The following SH2D1A variants were observed in gnomAD, a reference collection of about 807,000 sequenced individuals.
The protein encoded by SH2D1A is SH2 domain containing 1A.
SH2D1A carries 6 observed loss-of-function variants against 10.1 expected under a neutral mutation model. The ratio of observed to expected loss-of-function variants is 0.60; its 90% CI spans 0.33 to 1.18. The LOEUF is 1.18. Among genes scored for constraint, SH2D1A ranks in the 50% most tolerant of loss-of-function variants. SH2D1A has a pLI of 0.04. For missense variants in SH2D1A, 51 were observed against 97.6 expected (o/e 0.52, Z 2.01); for synonymous variants, 42 against 36.9 (o/e 1.14, Z -0.51).
At chrX:124,351,753 A>G (rs1227258094) in intron 1 of SH2D1A, among the ~76,000 whole-genome samples, 3 of 110,140 alleles carry the variant, frequency 2.7e-5, no homozygotes. Flanking sequence ...TATTTTTCTC[A>G]TTTAACCAGT....
intron 1 of SH2D1A, among the ~76,000 whole-genome samples, chrX:124,356,024 T>TA (rs772343700): frequency 8.3e-4 from 91 of 109,024 alleles, no homozygotes; most frequent in African/African-American, 2.9e-3. Context: ...ACTCATCATT[T>TA]ACATTAGGTA....
At chrX:124,368,193 G>A (rs188271427) in intron 2 of SH2D1A, among the ~76,000 whole-genome samples, 120 of 111,331 alleles carry the variant, frequency 1.1e-3, no homozygotes, top group African/African-American at 3.8e-3. Context: ...TGTCGCTCAG[G>A]CTGGAGTGGT....
At chrX:124,361,317 C>T (rs185938699) in intron 1 of SH2D1A, among the ~76,000 whole-genome samples, 1 of 111,664 alleles carries the variant, frequency 9.0e-6, no homozygotes, top group Admixed American at 9.5e-5. Context: ...ATGAAACATA[C>T]CTTACCAGCA....
At chrX:124,366,099 T>TAGCA (rs1556620728) in intron 2 of SH2D1A, among the ~76,000 whole-genome samples, 5 of 109,017 alleles carry the variant, frequency 4.6e-5, no homozygotes, top group Non-Finnish European at 9.5e-5. Context: ...TGTGAAATCT[T>TAGCA]AGCATATCAA....
At chrX:124,369,747 T>A (rs1303539456) in intron 2 of SH2D1A, among the ~76,000 whole-genome samples, 2 of 111,837 alleles carry the variant, frequency 1.8e-5, no homozygotes, top group Non-Finnish European at 3.8e-5. Context: ...TTTCTTTTGT[T>A]GTTGTTCCTC....
At chrX:124,349,604 T>C (rs2060002616) in intron 1 of SH2D1A, among the ~76,000 whole-genome samples, 1 of 111,552 alleles carries the variant, frequency 9.0e-6, no homozygotes, top group African/African-American at 3.3e-5. Flanking sequence ...CTATAGTTTT[T>C]ATATTTTTAT....
intron 1 of SH2D1A, among the ~76,000 whole-genome samples, chrX:124,351,034 A>G (rs1179888810): frequency 1.1e-4 from 10 of 89,613 alleles, no homozygotes; most frequent in Non-Finnish European, 1.7e-4. Flanking sequence ...TTATAAATAT[A>G]TATATTTTAT....
chrX:124,352,590 C>G (rs1021077476), intron 1 of SH2D1A, among the ~76,000 whole-genome samples: 4 of 111,724 alleles, frequency 3.6e-5, no homozygotes, highest in Non-Finnish European at 7.5e-5. Context: ...ATTTACATTT[C>G]TGCAAATAAC....
At position 124,371,658 on chromosome X, in the gene SH2D1A, C is replaced by CTT. The variant is rs771739653; in HGVS notation, c.*269_*270dup. The CTT allele has an allele frequency of 4.5e-6, 1 of 223,359 alleles. No homozygotes were observed. The highest frequency in any genetic ancestry group is 6.4e-5 in the East Asian group (1 of 15,631). 18.4% of individuals were successfully genotyped at this position (223,359 alleles called of 1,213,427 possible). On this transcript the variant is annotated 3_prime_UTR_variant, in exon 4 of 4. Coordinates refer to ENST00000371139, the MANE Select transcript of SH2D1A (RefSeq NM_002351.5). ...ATGGGAAACAAAAGGATAATGAATACTTTATAAAGGATTAATGTCAATTCT... is the reference window on the plus strand; with the variant it reads ...ATGGGAAACAAAAGGATAATGAATACTTTTTATAAAGGATTAATGTCAATTCT...
At chrX:124,348,411 A>G (rs1040323523) in intron 1 of SH2D1A, among the ~76,000 whole-genome samples, 1 of 111,513 alleles carries the variant, frequency 9.0e-6, no homozygotes. Context: ...ACAACAGGGT[A>G]TAGTGAGAGG....
At chrX:124,351,381 A>G (rs891998058) in intron 1 of SH2D1A, among the ~76,000 whole-genome samples, 3 of 109,856 alleles carry the variant, frequency 2.7e-5, no homozygotes, top group Non-Finnish European at 3.8e-5. Context: ...TCAGTACATT[A>G]AAGTTTCCTT....
At chrX:124,357,894 G>A (rs1053411251) in intron 1 of SH2D1A, among the ~76,000 whole-genome samples, 5 of 109,177 alleles carry the variant, frequency 4.6e-5, no homozygotes, top group African/African-American at 6.7e-5. Context: ...ATCTTGGCTC[G>A]CTGCAAACTC....
intron 2 of SH2D1A, 87 bp downstream of exon 2, chrX:124,365,911 T>C: frequency 1.7e-6 from 1 of 587,149 alleles, no homozygotes; most frequent in East Asian, 3.3e-5. Context: ...AATTATACAT[T>C]ATTAAGTATT....
At chrX:124,358,488 A>G (rs1279763824) in intron 1 of SH2D1A, among the ~76,000 whole-genome samples, 1 of 112,552 alleles carries the variant, frequency 8.9e-6, no homozygotes, top group Non-Finnish European at 1.9e-5. Flanking sequence ...TTATGTTACA[A>G]AATTACTGGT....
intron 1 of SH2D1A, among the ~76,000 whole-genome samples, chrX:124,359,473 AC>A (rs2060034532): frequency 9.0e-6 from 1 of 111,659 alleles, no homozygotes; most frequent in South Asian, 3.8e-4. Context: ...GGAAAATGGA[AC>A]TAAGAACCTA....
At chrX:124,356,048 T>C (rs1349118199) in intron 1 of SH2D1A, among the ~76,000 whole-genome samples, 3 of 100,671 alleles carry the variant, frequency 3.0e-5, no homozygotes, top group Non-Finnish European at 2.0e-5. Flanking sequence ...CTCCTAATGC[T>C]ATCCCTCCCC....
chrX:124,360,637 A>G (rs922102134), intron 1 of SH2D1A, among the ~76,000 whole-genome samples: 1 of 101,973 alleles, frequency 9.8e-6, no homozygotes, highest in African/African-American at 3.6e-5. Flanking sequence ...ATGTGTCCTA[A>G]CCAAAAGATC....
chrX:124,370,578 T>G (rs751227343), intron 3 of SH2D1A, among the ~76,000 whole-genome samples: 1 of 112,355 alleles, frequency 8.9e-6, no homozygotes, highest in East Asian at 2.8e-4. Flanking sequence ...GTCTGTCTCA[T>G]CTTGTTCTTT....
chrX:124,364,096 C>T (rs1024273273), intron 1 of SH2D1A, among the ~76,000 whole-genome samples: 4 of 109,426 alleles, frequency 3.7e-5, no homozygotes, highest in Admixed American at 2.0e-4. Flanking sequence ...AAAACAGCCT[C>T]GGGCAGGTCC....
Sources: gnomAD v4.1 joint callset for allele counts (sites outside exome capture counted in the v4.1 genomes callset) on GRCh38, gnomAD v4.1.1 for gene constraint, MANE v1.5 for transcripts, NCBI Gene and HGNC (gene_info 2026-07-23, HGNC 2026-07-21) for gene names.